The following SLC22A3 variants were observed in gnomAD, a reference collection of about 807,000 sequenced individuals.
SLC22A3 encodes the protein EMT organic cation transporter 3.
In SLC22A3, 51 loss-of-function variants were observed where a neutral mutation model predicts 59.1. That is an observed-to-expected ratio of 0.86 (90% CI 0.69 to 1.09). The LOEUF (loss-of-function observed/expected upper bound fraction) is 1.09, where lower values mean the gene tolerates loss of function less well. Among genes scored for constraint, SLC22A3 ranks in the 50% least tolerant of loss-of-function variants. The pLI is 0.00. For missense variants in SLC22A3, 711 were observed against 726.3 expected (o/e 0.98, Z 0.24); for synonymous variants, 325 against 292.0 (o/e 1.11, Z -1.15).
intron 10 of SLC22A3, among the ~76,000 whole-genome samples, chr6:160,448,444 TGATA>T (rs1043169748): frequency 6.6e-5 from 10 of 151,818 alleles, no homozygotes; most frequent in African/African-American, 2.4e-4. Context: ...AAATAATAGA[TGATA>T]GATGATAGAT....
At chr6:160,407,013 GAGCTCT>G in intron 2 of SLC22A3, 22 bp from the exon 3 acceptor site, 1 of 1,612,414 alleles carries the variant, frequency 6.2e-7, no homozygotes, top group Non-Finnish European at 8.5e-7. Context: ...TGTTTAAGGT[GAGCTCT>G]TTTCCTGTCT....
In SLC22A3 at chr6:160,348,641, G is replaced by A. The variant is rs1360652061; in HGVS notation, c.222G>A (p.Thr74=). 6.7e-7 allele frequency: 1 copy of A among 1,502,548 alleles called. No homozygotes were observed. The highest frequency in any genetic ancestry group is 2.7e-5 in the East Asian group (1 of 36,708). The allele number at this position is 1,502,548 out of a possible 1,614,324, so 93.1% of individuals were successfully genotyped here. Residue 74 remains threonine (T), a synonymous_variant, in exon 1 of 11, where the codon ACG becomes ACA. Coordinates refer to ENST00000275300, the MANE Select transcript of SLC22A3 (RefSeq NM_021977.4). The part of the protein sequence containing the change: ...GWSPEEEWNR[T]APASRGPEPP... ...GCCCGGAGGAGGAGTGGAACCGCAC[G>A]GCGCCCGCCTCCCGCGGCCCAGAGC...
At chr6:160,383,163 G>C (rs1785859767) in intron 1 of SLC22A3, among the ~76,000 whole-genome samples, 1 of 152,242 alleles carries the variant, frequency 6.6e-6, no homozygotes, top group Admixed American at 6.5e-5. Context: ...TTTGTCAGCA[G>C]TTCGAGTGAA....
At position 160,441,178 on chromosome 6, in the gene SLC22A3, G is replaced by C. The variant is rs558468165; in HGVS notation, c.1289-1583G>C. 3.3e-5 allele frequency among the ~76,000 whole-genome samples: 5 copies of C among 152,246 alleles called. No individual in the cohort carries two copies. The South Asian group carries it at 1.0e-3, about 32-fold the overall frequency. ...GCAGCCTTCACTGCAGCCCGGGAGTGGCAGGAGATGGTCCCATCGGGCTGG... is the reference window on the plus strand; with the variant it reads ...GCAGCCTTCACTGCAGCCCGGGAGTCGCAGGAGATGGTCCCATCGGGCTGG... On this transcript the variant is annotated intron_variant, in intron 7 of 10. Coordinates refer to ENST00000275300, the MANE Select transcript of SLC22A3 (RefSeq NM_021977.4).
At chr6:160,383,880 A>T in intron 1 of SLC22A3, among the ~76,000 whole-genome samples, 1 of 152,332 alleles carries the variant, frequency 6.6e-6, no homozygotes, top group Non-Finnish European at 1.5e-5. Flanking sequence ...AATAATCTAG[A>T]AATAATTTAA....
In SLC22A3 at chr6:160,415,689, C is replaced by T. The variant is rs932600691; in HGVS notation, c.975+4843C>T. On this transcript the variant is annotated intron_variant, in intron 5 of 10. Transcript: ENST00000275300. This position sits in a 1 kb window ranked among gnomAD's most constrained non-coding sequence, Gnocchi z 4.1. Reference sequence around the variant, plus strand: ...ATTCCCACCTCATTCTCAGGGTGCCCATTATAGGGTGCGGAGAAGGTTAGA... The same window carrying T: ...ATTCCCACCTCATTCTCAGGGTGCCTATTATAGGGTGCGGAGAAGGTTAGA... Among the ~76,000 whole-genome samples the T allele has an allele frequency of 5.3e-5, 8 of 152,136 alleles. No homozygotes were observed. Among genetic ancestry groups the T allele is most frequent in the Non-Finnish European group, 8.8e-5 (6 of 68,022 alleles).
rs542129352 is a variant in SLC22A3 at position 160,425,806 on chromosome 6, G to A, written c.976-10974G>A. 4.8e-4 allele frequency: 471 copies of A among 984,946 alleles called. 1 individual carries two copies. Among genetic ancestry groups the A allele is most frequent in the Admixed American group, 6.1e-4 (10 of 16,266 alleles). 61.0% of individuals were successfully genotyped at this position (984,946 alleles called of 1,614,324 possible). A position where few individuals can be genotyped will look rare whatever the true frequency, so the allele number is the denominator to read the frequency against. ...TTGGAATATGATAAATCAAGTCACCGTTCAAAGTTGAATAAATAGTGAACA... is the reference window on the plus strand; with the variant it reads ...TTGGAATATGATAAATCAAGTCACCATTCAAAGTTGAATAAATAGTGAACA... On this transcript the variant is annotated intron_variant, in intron 5 of 10. Transcript: ENST00000275300.
chr6:160,428,577 G>A (rs989195184), intron 5 of SLC22A3, among the ~76,000 whole-genome samples: 2 of 152,190 alleles, frequency 1.3e-5, no homozygotes, highest in African/African-American at 4.8e-5. Flanking sequence ...AAATGATCAT[G>A]TTTTGGATCT....
At chr6:160,348,918 G>T in intron 1 of SLC22A3, 70 bp downstream of exon 1, 1 of 1,533,450 alleles carries the variant, frequency 6.5e-7, no homozygotes, top group South Asian at 1.2e-5. Context: ...GACAAGCCGC[G>T]TGTGAGACGC....
intron 3 of SLC22A3, 83 bp downstream of exon 3, chr6:160,407,278 C>A: frequency 7.3e-7 from 1 of 1,373,798 alleles, no homozygotes; most frequent in South Asian, 1.5e-5. Context: ...CCTTCCTCTT[C>A]CTCATGTGTC....
intron 1 of SLC22A3, among the ~76,000 whole-genome samples, chr6:160,353,398 C>T (rs486339): frequency 6.6e-6 from 1 of 151,918 alleles, no homozygotes; most frequent in East Asian, 1.9e-4. Flanking sequence ...GCTGGGGATA[C>T]AAAGATACAC....
intron 7 of SLC22A3, among the ~76,000 whole-genome samples, chr6:160,438,000 CGGA>C (rs1788411906): frequency 6.6e-6 from 1 of 152,016 alleles, no homozygotes; most frequent in Non-Finnish European, 1.5e-5. Context: ...TGTGAGCTTG[CGGA>C]GGAGGAGGAG....
intron 2 of SLC22A3, among the ~76,000 whole-genome samples, chr6:160,402,312 AAG>A (rs1433734265): frequency 6.6e-6 from 1 of 151,952 alleles, no homozygotes; most frequent in Non-Finnish European, 1.5e-5. Flanking sequence ...TATAATGACA[AAG>A]GGGTCAATTC....
At chr6:160,448,732 A>T (rs191923645) in intron 10 of SLC22A3, among the ~76,000 whole-genome samples, 1 of 152,292 alleles carries the variant, frequency 6.6e-6, no homozygotes, top group African/African-American at 2.4e-5. Context: ...GAATATGAGA[A>T]TGTATAGTAC....
At chr6:160,402,012 G>A (rs1041559054) in intron 2 of SLC22A3, among the ~76,000 whole-genome samples, 2 of 151,720 alleles carry the variant, frequency 1.3e-5, no homozygotes, top group Admixed American at 6.6e-5. Flanking sequence ...TAACAAATAC[G>A]GTAGACATTA....
chr6:160,396,476 G>A (rs980673879), intron 1 of SLC22A3, among the ~76,000 whole-genome samples: 20 of 152,078 alleles, frequency 1.3e-4, no homozygotes, highest in African/African-American at 4.8e-4. Flanking sequence ...TGAGAAGGAG[G>A]TTAAAGAATT....
At chr6:160,411,588 A>T (rs1434375244) in intron 5 of SLC22A3, among the ~76,000 whole-genome samples, 1 of 152,136 alleles carries the variant, frequency 6.6e-6, no homozygotes, top group Non-Finnish European at 1.5e-5. Context: ...AGAAAGTTTT[A>T]AAAACTATGT....
chr6:160,393,073 G>A (rs924258715), intron 1 of SLC22A3, among the ~76,000 whole-genome samples: 6 of 151,774 alleles, frequency 4.0e-5, no homozygotes, highest in African/African-American at 1.2e-4. Flanking sequence ...AATGCACACC[G>A]CAAATGAGGG....
chr6:160,433,396 A>G (rs1448364569), intron 5 of SLC22A3, among the ~76,000 whole-genome samples: 1 of 152,190 alleles, frequency 6.6e-6, no homozygotes, highest in African/African-American at 2.4e-5. Context: ...TTAAATGTCA[A>G]ATTAGGCTGG....
Sources: allele counts gnomAD v4.1 joint callset (sites outside exome capture counted in the v4.1 genomes callset), GRCh38; gene constraint gnomAD v4.1.1; non-coding constraint Gnocchi (gnomAD v3.1); transcripts MANE v1.5; gene names NCBI Gene and HGNC (gene_info 2026-07-23, HGNC 2026-07-21).